The following CERK variants were observed in gnomAD, a reference collection of about 807,000 sequenced individuals.
CERK encodes the protein ceramide kinase, also known as acylsphingosine kinase.
In CERK, 39 loss-of-function variants were observed where a neutral mutation model predicts 63.4. The ratio of observed to expected loss-of-function variants is 0.61; its 90% CI spans 0.48 to 0.80. The LOEUF is 0.80. Ranked by LOEUF, CERK falls within the 30% of genes least tolerant of loss-of-function variation. The pLI is 0.00. For synonymous variants in CERK, 302 were observed against 280.0 expected, an observed-to-expected ratio of 1.08 and a Z score of -0.78; for missense variants, 670 against 714.1, an observed-to-expected ratio of 0.94 and a Z score of 0.70.
In CERK at chr22:46,714,190, G is replaced by A. The variant is rs60633937; in HGVS notation, c.380-1897C>T. 6.9e-3 allele frequency among the ~76,000 whole-genome samples: 1,051 copies of A among 152,336 alleles called. 12 individuals are homozygous for A. Among genetic ancestry groups the A allele is most frequent in the African/African-American group, 0.024 (1,001 of 41,574 alleles). The stretch of plus-strand genomic sequence containing the variant: ...GGAGGCTGAGGCAGGAGAATCACTT[G>A]AACCCAGGAAGTGGAGGTTGCAGTG... On this transcript the variant is annotated intron_variant, in intron 3 of 12. Transcript: ENST00000216264. The surrounding 1 kb of genome is among the most constrained non-coding windows in gnomAD (Gnocchi z 4.4).
At chr22:46,725,869 G>A (rs377682802) in intron 1 of CERK, among the ~76,000 whole-genome samples, 19 of 152,330 alleles carry the variant, frequency 1.2e-4, no homozygotes, top group Middle Eastern at 3.4e-3. Context: ...CTGAGAGCAC[G>A]CTGACTTCCA....
chr22:46,732,585 CTT>C (rs60804134), intron 1 of CERK, among the ~76,000 whole-genome samples: 2,382 of 141,572 alleles, frequency 0.017, 65 homozygotes, highest in African/African-American at 0.055. Flanking sequence ...AAGGATATCA[CTT>C]TTTTTTTTTT....
intron 8 of CERK, among the ~76,000 whole-genome samples, chr22:46,698,629 G>A (rs1362928092): frequency 2.0e-5 from 3 of 152,198 alleles, no homozygotes; most frequent in South Asian, 2.1e-4. Context: ...GGTTGCTCAT[G>A]GTTGTAATCC....
At chr22:46,694,208 T>C (rs896105306) in intron 9 of CERK, among the ~76,000 whole-genome samples, 1 of 152,176 alleles carries the variant, frequency 6.6e-6, no homozygotes, top group East Asian at 1.9e-4. Flanking sequence ...CGCAGCTGTC[T>C]CCACAGCCCC....
At chr22:46,693,994 C>T (rs2082743973) in intron 9 of CERK, among the ~76,000 whole-genome samples, 1 of 152,160 alleles carries the variant, frequency 6.6e-6, no homozygotes, top group South Asian at 2.1e-4. Context: ...CGGATTCACG[C>T]TGTCAAACAG....
At chr22:46,707,789 C>A in intron 6 of CERK, 54 bp downstream of exon 6, 1 of 1,556,754 alleles carries the variant, frequency 6.4e-7, no homozygotes, top group South Asian at 1.2e-5. Context: ...TTGTGCAGAA[C>A]AATTCCTAAG....
chr22:46,710,376 G>A (rs2082834521), intron 5 of CERK, among the ~76,000 whole-genome samples: 1 of 151,032 alleles, frequency 6.6e-6, no homozygotes, highest in African/African-American at 2.4e-5. Context: ...CGAAGCTGCC[G>A]AGGTCACGCC....
intron 7 of CERK, among the ~76,000 whole-genome samples, chr22:46,699,987 G>A (rs990970015): frequency 1.3e-5 from 2 of 152,224 alleles, no homozygotes; most frequent in African/African-American, 4.8e-5. Flanking sequence ...TAGTGGCGAG[G>A]CTCAGGCAGG....
Position 46,691,056 on chromosome 22 carries a change from T to TACACACACAC in CERK, c.1332+506_1332+515dup, listed in dbSNP as rs141210280. On this transcript the variant is annotated intron_variant, in intron 11 of 12. Transcript: ENST00000216264. The stretch of plus-strand genomic sequence containing the variant: ...ACATACACACACATGTATACATACA[T>TACACACACAC]ACACACACACACACACACACACACA... 8.6e-3 allele frequency among the ~76,000 whole-genome samples: 1,267 copies of TACACACACAC among 147,288 alleles called. 13 individuals are homozygous for TACACACACAC. Among genetic ancestry groups the TACACACACAC allele is most frequent in the Middle Eastern group, 0.017 (5 of 286 alleles).
intron 3 of CERK, among the ~76,000 whole-genome samples, chr22:46,716,931 TC>T (rs1038712687): frequency 7.5e-6 from 1 of 133,230 alleles, no homozygotes; most frequent in Non-Finnish European, 1.6e-5. Flanking sequence ...CGAGACTCTG[TC>T]CCCCCACCAA....
At chr22:46,693,205 T>C (rs910546) in intron 10 of CERK, among the ~76,000 whole-genome samples, 80,534 of 151,686 alleles carry the variant, frequency 0.53, 22,758 homozygotes, top group African/African-American at 0.72. Flanking sequence ...TCAGAAAGGG[T>C]AACGGGGCCT....
At chr22:46,690,239 C>T (rs113771938) in intron 11 of CERK, 39 bp from the exon 12 acceptor site, 19 of 1,581,382 alleles carry the variant, frequency 1.2e-5, no homozygotes, top group Admixed American at 5.0e-5. Context: ...CAGCTCTAAA[C>T]GTCATCGTCT....
chr22:46,723,642 A>G (rs767291842), intron 1 of CERK, among the ~76,000 whole-genome samples: 14 of 152,128 alleles, frequency 9.2e-5, no homozygotes, highest in Non-Finnish European at 1.6e-4. Flanking sequence ...AAGAAGAAGA[A>G]GAATATAGCT....
At chr22:46,716,857 C>T (rs1448435914) in intron 3 of CERK, among the ~76,000 whole-genome samples, 6 of 152,106 alleles carry the variant, frequency 3.9e-5, no homozygotes, top group Middle Eastern at 3.4e-3. Flanking sequence ...ATTGCTTGAA[C>T]CCAGGAGGCA....
intron 6 of CERK, among the ~76,000 whole-genome samples, chr22:46,704,687 C>T (rs777094350): frequency 2.0e-5 from 3 of 151,584 alleles, no homozygotes; most frequent in Non-Finnish European, 2.9e-5. Flanking sequence ...TAGCCGGGCA[C>T]GGTGGTGGGT....
At chr22:46,737,847 C>T (rs551232777) in intron 1 of CERK, among the ~76,000 whole-genome samples, 160 bp downstream of exon 1, 1 of 152,164 alleles carries the variant, frequency 6.6e-6, no homozygotes, top group South Asian at 2.1e-4. Context: ...CCCGGCCTCC[C>T]TCCCGCCTGC....
rs188893892 is a variant in CERK, at chr22:46,729,418, T to C, written c.143-8403A>G. On this transcript the variant is annotated intron_variant, in intron 1 of 12. Coordinates refer to ENST00000216264, the MANE Select transcript of CERK (RefSeq NM_022766.6). ...CCAAATGACTTTATTTTTTATTAATTTTTTTTAAGAGACAGGGTCTTGCTC... is the reference window on the plus strand; with the variant it reads ...CCAAATGACTTTATTTTTTATTAATCTTTTTTAAGAGACAGGGTCTTGCTC... 2.0e-3 allele frequency among the ~76,000 whole-genome samples: 297 copies of C among 152,226 alleles called. 1 individual carries two copies. Among genetic ancestry groups the C allele is most frequent in the Admixed American group, 5.3e-3 (81 of 15,282 alleles).
At chr22:46,716,505 T>TA (rs561393380) in intron 3 of CERK, among the ~76,000 whole-genome samples, 15,990 of 143,252 alleles carry the variant, frequency 0.11, 998 homozygotes, top group African/African-American at 0.16. Context: ...CCCCGTCTCT[T>TA]AAAAAAAAAA....
intron 8 of CERK, among the ~76,000 whole-genome samples, chr22:46,699,076 C>G (rs2082770328): frequency 6.6e-6 from 1 of 152,062 alleles, no homozygotes; most frequent in Admixed American, 6.5e-5. Context: ...GTCATGGTGT[C>G]TACTCTGTGG....
Sources: allele counts gnomAD v4.1 joint callset (sites outside exome capture counted in the v4.1 genomes callset), GRCh38; gene constraint gnomAD v4.1.1; non-coding constraint Gnocchi (gnomAD v3.1); transcripts MANE v1.5; gene names NCBI Gene and HGNC (gene_info 2026-07-23, HGNC 2026-07-21).